ETAA1: variants seen among roughly 807,000 people sequenced by gnomAD.
ETAA1 encodes the protein ewing's tumor-associated antigen 1.
Under a neutral mutation model 76.8 loss-of-function variants are expected in ETAA1, and 49 were observed. The ratio of observed to expected loss-of-function variants is 0.64; its 90% CI spans 0.51 to 0.81. The LOEUF (loss-of-function observed/expected upper bound fraction) is 0.81. Ranked by LOEUF, ETAA1 falls within the 30% of genes least tolerant of loss-of-function variation. The pLI, the probability that ETAA1 is intolerant of heterozygous loss-of-function variation, is 0.00. For missense variants in ETAA1, 1,099 were observed against 1,074.0 expected (o/e 1.02, Z -0.32); for synonymous variants, 373 against 372.2 (o/e 1.00, Z -0.03).
intron 3 of ETAA1, 78 bp downstream of exon 3, chr2:67,399,704 A>G: frequency 1.0e-6 from 1 of 957,076 alleles, no homozygotes; most frequent in Non-Finnish European, 1.6e-6. Flanking sequence ...TCTTTAAATG[A>G]AAAGTATTGT....
Position 67,403,564 on chromosome 2 carries a change from C to T in ETAA1, c.882C>T (p.Ser294=), listed in dbSNP as rs146144235. The T allele has an allele frequency of 1.2e-5, 20 of 1,613,204 alleles. No individual in the cohort carries two copies. The highest frequency in any genetic ancestry group is 6.7e-5 in the Admixed American group (4 of 59,952). ...TTGATGGTTCTACTCAGAAATGTAG[C>T]GGACAGTTAAGCCAAGAACTGCCAG... The part of the protein sequence containing the change: ...AIFDGSTQKC[S]GQLSQELPEA... Residue 294 remains serine (S), a synonymous_variant, in exon 5 of 6, where the codon AGC becomes AGT. Transcript: ENST00000272342.
chr2:67,397,343 A>G lies in ETAA1; in HGVS notation c.-106A>G. Reference sequence around the variant, plus strand: ...TCTTGCGCGCGCCCCACCGACCAAAATGGCGGCTGCCGTTGGTGCGGGGTG... The same window carrying G: ...TCTTGCGCGCGCCCCACCGACCAAAGTGGCGGCTGCCGTTGGTGCGGGGTG... On this transcript the variant is annotated 5_prime_UTR_variant, in exon 1 of 6. An upstream start codon of the reference 5' UTR is lost. Coordinates refer to ENST00000272342, the MANE Select transcript of ETAA1 (RefSeq NM_019002.4). 1 of 1,247,966 alleles carries G rather than the reference A, an allele frequency of 8.0e-7. No individual in the cohort carries two copies. Among genetic ancestry groups the G allele is most frequent in the South Asian group, 1.3e-5 (1 of 77,224 alleles). 77.3% of individuals were successfully genotyped at this position (1,247,966 alleles called of 1,614,324 possible). A position where few individuals can be genotyped will look rare whatever the true frequency, so the allele number is the denominator to read the frequency against.
In ETAA1 at chr2:67,410,637, G is replaced by T. The variant is rs1676348121; in HGVS notation, c.*599G>T. On this transcript the variant is annotated 3_prime_UTR_variant, in exon 6 of 6. Coordinates refer to ENST00000272342, the MANE Select transcript of ETAA1 (RefSeq NM_019002.4). Reference sequence around the variant, plus strand: ...TTTCCACCATATTTAGGAAAACTTTGATTTTAGAAGTCTAACATAGAGGAA... The same window carrying T: ...TTTCCACCATATTTAGGAAAACTTTTATTTTAGAAGTCTAACATAGAGGAA... 1 of 152,012 alleles carries T rather than the reference G, an allele frequency of 6.6e-6. No individual in the cohort carries two copies. Among genetic ancestry groups the T allele is most frequent in the South Asian group, 2.1e-4 (1 of 4,822 alleles). 9.4% of individuals were successfully genotyped at this position (152,012 alleles called of 1,614,324 possible). A position where few individuals can be genotyped will look rare whatever the true frequency, so the allele number is the denominator to read the frequency against.
chr2:67,397,628 G>A lies in ETAA1; in HGVS notation c.180G>A (p.Glu60=), dbSNP rs1454058832. ...EGPPGPVRQR[E]QPPTAALCSK... ...CTCCCGGGCCAGTGCGGCAGCGAGA[G>A]CAGCCTCCGACCGCCGCCCTGTGCA... is the stretch of plus-strand genomic sequence containing the variant. Residue 60 remains glutamate (E), a synonymous_variant, in exon 1 of 6, where the codon GAG becomes GAA. Transcript: ENST00000272342. 6.5e-7 allele frequency: 1 copy of A among 1,547,782 alleles called. No homozygotes were observed. Among genetic ancestry groups the A allele is most frequent in the Non-Finnish European group, 8.7e-7 (1 of 1,146,816 alleles).
rs1676129410 is a variant in ETAA1 at position 67,403,967 on chromosome 2, A to G, written c.1285A>G (p.Arg429Gly). The change falls in exon 5 of 6, where the codon AGA becomes GGA. Residue 429 changes from arginine to glycine, a missense_variant. Coordinates refer to ENST00000272342, the MANE Select transcript of ETAA1 (RefSeq NM_019002.4). ...FNSKTVKNTS[R>G]ANTSPDARLG... is the part of the protein sequence containing the mutation. Reference sequence around the variant, plus strand: ...TAGTAAAACTGTTAAAAATACGTCAAGAGCAAATACAAGTCCAGATGCCAG... The same window carrying G: ...TAGTAAAACTGTTAAAAATACGTCAGGAGCAAATACAAGTCCAGATGCCAG... 6.2e-7 allele frequency: 1 copy of G among 1,609,508 alleles called. No homozygotes were observed. Among genetic ancestry groups the G allele is most frequent in the African/African-American group, 1.3e-5 (1 of 74,506 alleles).
rs1572912809 is a variant in ETAA1 at position 67,410,213 on chromosome 2, C to T, written c.*175C>T. 2 of 621,174 alleles carry T rather than the reference C, an allele frequency of 3.2e-6. No homozygotes were observed. Among genetic ancestry groups the T allele is most frequent in the East Asian group, 3.2e-5 (1 of 31,192 alleles). 38.5% of individuals were successfully genotyped at this position (621,174 alleles called of 1,614,324 possible). On this transcript the variant is annotated 3_prime_UTR_variant, in exon 6 of 6. Coordinates refer to ENST00000272342, the MANE Select transcript of ETAA1 (RefSeq NM_019002.4). Reference sequence around the variant, plus strand: ...ATGGTAAATGAAACATTTCCTTGGACATGTATTTGAAAGTCATTAAATACA... The same window carrying T: ...ATGGTAAATGAAACATTTCCTTGGATATGTATTTGAAAGTCATTAAATACA...
At chr2:67,399,751 AG>A (rs1167575891) in intron 3 of ETAA1, 125 bp downstream of exon 3, 6 of 582,180 alleles carry the variant, frequency 1.0e-5, no homozygotes, top group Admixed American at 7.3e-5. Context: ...AAGGCAGCAA[AG>A]ATTACTGTTT....
In ETAA1 at chr2:67,409,964, CAAG is replaced by C; in HGVS notation, c.2711_2713del (p.Glu904del). 1 of 1,608,142 alleles carries C rather than the reference CAAG, an allele frequency of 6.2e-7. No homozygotes were observed. Among genetic ancestry groups the C allele is most frequent in the Non-Finnish European group, 8.5e-7 (1 of 1,177,716 alleles). On this transcript the variant is annotated inframe_deletion, in exon 6 of 6. Coordinates refer to ENST00000272342, the MANE Select transcript of ETAA1 (RefSeq NM_019002.4). ...TCCTGAAGAAATTCAGAGAAAAAGACAAGAAGCACTGGTTCGGAGAATGGCTAA... is the reference window on the plus strand; with the variant it reads ...TCCTGAAGAAATTCAGAGAAAAAGACAAGCACTGGTTCGGAGAATGGCTAA...
Position 67,403,694 on chromosome 2 carries a change from A to C in ETAA1, c.1012A>C (p.Lys338Gln), listed in dbSNP as rs1353131748. The C allele has an allele frequency of 6.2e-7, 1 of 1,613,446 alleles. No individual in the cohort carries two copies. Among genetic ancestry groups the C allele is most frequent in the South Asian group, 1.1e-5 (1 of 91,068 alleles). ...TCTGGTCATTGAAAAACTGTCAAAT[A>C]AAACCCCACGATCACTTTCTTCTCA... ...ETLVIEKLSN[K>Q]TPRSLSSQVD... Residue 338 changes from lysine (K) to glutamine (Q), a missense_variant, in exon 5 of 6, where the codon AAA (lysine) becomes CAA (glutamine). This residue lies in a region of ETAA1 where 761 missense variants were observed against 731.9 expected (regional missense o/e 1.04). Coordinates refer to ENST00000272342, the MANE Select transcript of ETAA1 (RefSeq NM_019002.4).
intron 1 of ETAA1, among the ~76,000 whole-genome samples, chr2:67,398,653 C>T (rs11902375): frequency 0.036 from 5,440 of 152,034 alleles, 333 homozygotes; most frequent in African/African-American, 0.12. Flanking sequence ...TAATAATACT[C>T]CTATAAAGCA....
chr2:67,398,385 C>T (rs1470160292), intron 1 of ETAA1, among the ~76,000 whole-genome samples: 5 of 148,024 alleles, frequency 3.4e-5, no homozygotes, highest in Admixed American at 1.4e-4. Context: ...GCCCAGGCTG[C>T]AGTGCAGTAG....
intron 2 of ETAA1, 25 bp downstream of exon 2, chr2:67,399,322 T>A: frequency 6.3e-7 from 1 of 1,575,302 alleles, no homozygotes; most frequent in Non-Finnish European, 8.7e-7. Flanking sequence ...ACATTTTTTA[T>A]GTGAGTAAAT....
rs925612701 is a variant in ETAA1 at position 67,399,225 on chromosome 2, A to G, written c.280A>G (p.Ser94Gly). ...AATGGACTCACTGTCATCTTCCTTC[A>G]GTTCTCCTAATGATCCAGATGGACA... is the stretch of plus-strand genomic sequence containing the variant. The part of the protein sequence containing the change: ...LKMDSLSSSF[S>G]SPNDPDGQND... The change falls in exon 2 of 6, where the codon AGT (serine) becomes GGT (glycine). Residue 94 changes from serine (S) to glycine (G), a missense_variant. Around this residue, in one of 3 missense-constraint regions of ETAA1, gnomAD observed 761 missense variants for 731.9 expected, o/e 1.04. Coordinates refer to ENST00000272342, the MANE Select transcript of ETAA1 (RefSeq NM_019002.4). The G allele has an allele frequency of 4.3e-6, 7 of 1,613,484 alleles. No homozygotes were observed. Among genetic ancestry groups the G allele is most frequent in the African/African-American group, 4.0e-5 (3 of 74,926 alleles).
intron 5 of ETAA1, among the ~76,000 whole-genome samples, chr2:67,408,017 A>G (rs914418962): frequency 1.3e-5 from 2 of 152,144 alleles, no homozygotes; most frequent in Non-Finnish European, 2.9e-5. Context: ...CTATCTACCA[A>G]TCTATCTGCA....
chr2:67,398,407 C>T (rs1274616380), intron 1 of ETAA1, among the ~76,000 whole-genome samples: 1 of 149,976 alleles, frequency 6.7e-6, no homozygotes, highest in Non-Finnish European at 1.5e-5. Flanking sequence ...ACAATCTCGG[C>T]TCACTGCAAC....
At chr2:67,400,403 T>G (rs920106494) in intron 3 of ETAA1, 11 of 152,106 alleles carry the variant, frequency 7.2e-5, no homozygotes, top group Non-Finnish European at 1.3e-4. Context: ...GCAGGAAGAT[T>G]GCTTGAGGCC....
chr2:67,397,950 C>T (rs1355852231), intron 1 of ETAA1, among the ~76,000 whole-genome samples: 1 of 152,214 alleles, frequency 6.6e-6, no homozygotes, highest in South Asian at 2.1e-4. Context: ...GCTTTCCAGG[C>T]TGCTCCTCCA....
Position 67,411,183 on chromosome 2 carries a change from G to C in ETAA1, c.*1145G>C, listed in dbSNP as rs951475493. 3 of 151,912 alleles carry C rather than the reference G, an allele frequency of 2.0e-5. No homozygotes were observed. Among genetic ancestry groups the C allele is most frequent in the Non-Finnish European group, 4.4e-5 (3 of 67,962 alleles). 9.4% of individuals were successfully genotyped at this position (151,912 alleles called of 1,614,324 possible). ...AGTAATAGAAGTCCAACTAGAGGGCGTAAGGCAGGGAGGATGCTTTATTCC... is the reference window on the plus strand; with the variant it reads ...AGTAATAGAAGTCCAACTAGAGGGCCTAAGGCAGGGAGGATGCTTTATTCC... On this transcript the variant is annotated 3_prime_UTR_variant, in exon 6 of 6. Transcript: ENST00000272342.
intron 3 of ETAA1, chr2:67,401,599 A>C (rs1318089568): frequency 6.6e-6 from 1 of 151,938 alleles, no homozygotes; most frequent in African/African-American, 2.4e-5. Flanking sequence ...ATATGTAATA[A>C]CATGTATAAA....
Sources: gnomAD v4.1 joint callset for allele counts (sites outside exome capture counted in the v4.1 genomes callset) on GRCh38, gnomAD v4.1.1 for gene constraint, gnomAD v4.1.1 regional missense constraint, MANE v1.5 for transcripts, NCBI Gene and HGNC (gene_info 2026-07-23, HGNC 2026-07-21) for gene names.